The following POU6F2 variants were observed in gnomAD, a reference collection of about 807,000 sequenced individuals.
The protein encoded by POU6F2 is POU class 6 homeobox 2, also known as POU domain, class 6, transcription factor 2.
POU6F2 carries 31 observed loss-of-function variants against 71.3 expected under a neutral mutation model. That is an observed-to-expected ratio of 0.43 (90% CI 0.33 to 0.59). The LOEUF (loss-of-function observed/expected upper bound fraction) is 0.59, where lower values mean the gene tolerates loss of function less well. Among genes scored for constraint, POU6F2 ranks in the 20% least tolerant of loss-of-function variants. The probability of loss-of-function intolerance (pLI) is 0.04; values close to 1 mark genes in which losing one functional copy is unlikely to be tolerated. For missense variants in POU6F2, 783 were observed against 856.8 expected, an observed-to-expected ratio of 0.91 and a Z score of 1.07; for synonymous variants, 347 against 355.7, an observed-to-expected ratio of 0.98 and a Z score of 0.27.
In POU6F2 at chr7:39,432,128, G is replaced by A. The variant is rs78521224; in HGVS notation, c.1114-949G>A. ...TCCAGATTCTATGGACACCCAGTCTGTCCATTTGCTGTTTTTCTATTCATG... is the reference window on the plus strand; with the variant it reads ...TCCAGATTCTATGGACACCCAGTCTATCCATTTGCTGTTTTTCTATTCATG... On this transcript the variant is annotated intron_variant, in intron 6 of 9. Coordinates refer to ENST00000518318, the MANE Select transcript of POU6F2 (RefSeq NM_001370959.1). 8.9e-3 allele frequency among the ~76,000 whole-genome samples: 1,353 copies of A among 152,292 alleles called. 9 individuals are homozygous for A. Among genetic ancestry groups the A allele is most frequent in the Middle Eastern group, 0.031 (9 of 294 alleles).
Position 39,150,225 on chromosome 7 carries a change from C to CTGTGTGTGTGTGTGTGTG in POU6F2, c.278-53992_278-53975dup, listed in dbSNP as rs60761447. 2.4e-3 allele frequency among the ~76,000 whole-genome samples: 337 copies of CTGTGTGTGTGTGTGTGTG among 141,236 alleles called. 7 individuals are homozygous for CTGTGTGTGTGTGTGTGTG. The highest frequency in any genetic ancestry group is 0.011 in the Middle Eastern group (3 of 274). The allele number at this position is 141,236 out of a possible 152,430, so 92.7% of individuals were successfully genotyped here. On this transcript the variant is annotated intron_variant, in intron 2 of 9. Coordinates refer to ENST00000518318, the MANE Select transcript of POU6F2 (RefSeq NM_001370959.1). ...CCTTTTTTAAGGCTGAGTAATATGT[C>CTGTGTGTGTGTGTGTGTG]TGTGTGTGTGTGTGTGTGTGTGTGT...
At chr7:39,153,604 CAATT>C (rs977616226) in intron 2 of POU6F2, among the ~76,000 whole-genome samples, 5 of 152,158 alleles carry the variant, frequency 3.3e-5, no homozygotes, top group Non-Finnish European at 7.3e-5. Context: ...TTGTAGTTAA[CAATT>C]AATTAAAAGA....
At chr7:38,997,140 T>A (rs544103070) in intron 1 of POU6F2, among the ~76,000 whole-genome samples, 1 of 150,098 alleles carries the variant, frequency 6.7e-6, no homozygotes, top group Admixed American at 6.6e-5. Flanking sequence ...AGAACCCAGA[T>A]TTCCACCTGC....
At chr7:39,336,608 G>A (rs974150580) in intron 4 of POU6F2, among the ~76,000 whole-genome samples, 3 of 152,182 alleles carry the variant, frequency 2.0e-5, no homozygotes, top group Non-Finnish European at 2.9e-5. Flanking sequence ...CCTCCTCAGC[G>A]TGGGTTTTCT....
chr7:39,223,224 GA>G (rs1290759147), intron 4 of POU6F2, among the ~76,000 whole-genome samples: 2 of 152,170 alleles, frequency 1.3e-5, no homozygotes, highest in Non-Finnish European at 1.5e-5. Flanking sequence ...ATTCAAGTAT[GA>G]TATCAAATAT....
chr7:39,370,014 A>G (rs1583555928), intron 5 of POU6F2, among the ~76,000 whole-genome samples: 4 of 152,280 alleles, frequency 2.6e-5, no homozygotes, highest in Middle Eastern at 6.8e-3. Context: ...ATGCTGTTGA[A>G]CACTTCATAG....
chr7:39,321,647 A>G (rs1785393560), intron 4 of POU6F2, among the ~76,000 whole-genome samples: 1 of 152,220 alleles, frequency 6.6e-6, no homozygotes, highest in South Asian at 2.1e-4. Context: ...TTTCCCAGAT[A>G]GGATGTGAAT....
chr7:39,265,875 TGAA>T (rs1784229195), intron 4 of POU6F2, among the ~76,000 whole-genome samples: 2 of 152,232 alleles, frequency 1.3e-5, no homozygotes, highest in Non-Finnish European at 1.5e-5. Flanking sequence ...AGTTAATGAC[TGAA>T]GAAGATCAAA....
chr7:39,012,527 CAA>C (rs892834891), intron 1 of POU6F2, among the ~76,000 whole-genome samples: 15 of 151,942 alleles, frequency 9.9e-5, no homozygotes, highest in Admixed American at 3.9e-4. Flanking sequence ...CTCAGCTCAT[CAA>C]AGTCATTCTC....
chr7:39,388,864 A>G (rs1208090566), intron 5 of POU6F2, among the ~76,000 whole-genome samples: 1 of 152,236 alleles, frequency 6.6e-6, no homozygotes, highest in East Asian at 1.9e-4. Flanking sequence ...TACTATTCGA[A>G]TACTAGGTGA....
chr7:39,310,142 C>T (rs1785133970), intron 4 of POU6F2, among the ~76,000 whole-genome samples: 1 of 152,016 alleles, frequency 6.6e-6, no homozygotes, highest in Non-Finnish European at 1.5e-5. Context: ...GAGTATATAG[C>T]CCCACAGTGC....
chr7:39,132,103 A>C (rs1359888652), intron 2 of POU6F2, among the ~76,000 whole-genome samples: 1 of 152,156 alleles, frequency 6.6e-6, no homozygotes, highest in African/African-American at 2.4e-5. Context: ...GCCATATGAG[A>C]GGCATCTGTT....
chr7:39,276,795 C>G (rs573187415), intron 4 of POU6F2, among the ~76,000 whole-genome samples: 48 of 151,504 alleles, frequency 3.2e-4, no homozygotes, highest in African/African-American at 9.2e-4. Context: ...AGTAAACTAT[C>G]GCAAGGACAA....
intron 2 of POU6F2, among the ~76,000 whole-genome samples, chr7:39,144,162 A>C (rs1000171141): frequency 6.6e-6 from 1 of 152,202 alleles, no homozygotes; most frequent in Non-Finnish European, 1.5e-5. Context: ...TTTGCCTTTT[A>C]AAAAGAAAAC....
In POU6F2 at chr7:39,339,658, C is replaced by T. The variant is rs147178262; in HGVS notation, c.615C>T (p.Asn205=). Residue 205 remains asparagine (N), a synonymous_variant, in exon 5 of 10, where the codon AAC becomes AAT. Transcript: ENST00000518318. ...LQNLQATSSL[N]SQLQQLQLQL... Reference sequence around the variant, plus strand: ...TCCTTGTAGCTACCTCATCCCTGAACTCCCAGCTCCAGCAGCTCCAGCTCC... The same window carrying T: ...TCCTTGTAGCTACCTCATCCCTGAATTCCCAGCTCCAGCAGCTCCAGCTCC... 64 of 1,595,398 alleles carry T rather than the reference C, an allele frequency of 4.0e-5. No homozygotes were observed. The highest frequency in any genetic ancestry group is 8.0e-5 in the African/African-American group (6 of 74,842).
intron 2 of POU6F2, among the ~76,000 whole-genome samples, chr7:39,156,312 C>CT: frequency 6.6e-6 from 1 of 152,284 alleles, no homozygotes; most frequent in Non-Finnish European, 1.5e-5. Context: ...AAGAATTGGG[C>CT]AAGTGTTCAT....
At chr7:39,212,465 G>T (rs923303996) in intron 4 of POU6F2, among the ~76,000 whole-genome samples, 1 of 152,142 alleles carries the variant, frequency 6.6e-6, no homozygotes, top group Non-Finnish European at 1.5e-5. Context: ...ATCTAGAAAT[G>T]ACCTCCTCCT....
intron 5 of POU6F2, among the ~76,000 whole-genome samples, chr7:39,364,913 AC>A (rs1562803823): frequency 6.6e-6 from 1 of 152,160 alleles, no homozygotes; most frequent in Non-Finnish European, 1.5e-5. Flanking sequence ...TGTTAACCAC[AC>A]CCATGCCAAC....
intron 1 of POU6F2, among the ~76,000 whole-genome samples, chr7:38,981,049 T>C (rs148820753): frequency 1.3e-5 from 2 of 152,296 alleles, no homozygotes; most frequent in African/African-American, 2.4e-5. Context: ...ATGAAGAAAC[T>C]TGGTTCATTC....
Sources: allele counts gnomAD v4.1 joint callset (sites outside exome capture counted in the v4.1 genomes callset), GRCh38; gene constraint gnomAD v4.1.1; transcripts MANE v1.5; gene names NCBI Gene and HGNC (gene_info 2026-07-23, HGNC 2026-07-21).